The following ZNF804A variants were observed in gnomAD, a reference collection of about 807,000 sequenced individuals.
The protein encoded by ZNF804A is zinc finger protein 804A.
ZNF804A carries 2 observed loss-of-function variants against 16.5 expected under a neutral mutation model. That is an observed-to-expected ratio of 0.12 (90% confidence interval 0.05 to 0.38). ZNF804A has a LOEUF of 0.38. Among genes scored for constraint, ZNF804A ranks in the 10% least tolerant of loss-of-function variants. The probability of loss-of-function intolerance (pLI) is 0.99; values close to 1 mark genes in which losing one functional copy is unlikely to be tolerated. For synonymous variants in ZNF804A, 534 were observed against 489.6 expected (o/e 1.09, Z -1.20); for missense variants, 1,473 against 1,390.7 (o/e 1.06, Z -0.94).
At chr2:184,618,428 T>C (rs1691362977) in intron 1 of ZNF804A, among the ~76,000 whole-genome samples, 1 of 152,172 alleles carries the variant, frequency 6.6e-6, no homozygotes, top group South Asian at 2.1e-4. Context: ...TTAATGTACA[T>C]TATATATTGC....
intron 2 of ZNF804A, among the ~76,000 whole-genome samples, chr2:184,876,574 G>A (rs1277579487): frequency 6.6e-6 from 1 of 152,058 alleles, no homozygotes; most frequent in East Asian, 1.9e-4. Flanking sequence ...CATATATATA[G>A]CTAATTATAA....
At chr2:184,896,432 C>T (rs1056131223) in intron 2 of ZNF804A, among the ~76,000 whole-genome samples, 3 of 152,086 alleles carry the variant, frequency 2.0e-5, no homozygotes, top group Non-Finnish European at 2.9e-5. Context: ...TCAATAGGTT[C>T]CTGCTTCATT....
intron 1 of ZNF804A, among the ~76,000 whole-genome samples, chr2:184,748,024 A>G (rs1693820049): frequency 2.0e-5 from 3 of 150,430 alleles, no homozygotes; most frequent in Non-Finnish European, 3.0e-5. Flanking sequence ...CATTTTCTTT[A>G]GCCAGTCCAC....
intron 1 of ZNF804A, among the ~76,000 whole-genome samples, chr2:184,710,402 T>C (rs1184893077): frequency 2.6e-5 from 4 of 151,452 alleles, no homozygotes; most frequent in Admixed American, 2.6e-4. Flanking sequence ...AAAGAATTTA[T>C]ACCATATATA....
intron 1 of ZNF804A, among the ~76,000 whole-genome samples, chr2:184,655,845 G>A (rs1012233034): frequency 9.2e-5 from 14 of 152,058 alleles, no homozygotes; most frequent in Non-Finnish European, 5.9e-5. Flanking sequence ...CAGGCCATTA[G>A]CGGTGGATGG....
chr2:184,603,938 A>C (rs1691090654), intron 1 of ZNF804A, among the ~76,000 whole-genome samples: 1 of 152,114 alleles, frequency 6.6e-6, no homozygotes, highest in Non-Finnish European at 1.5e-5. Flanking sequence ...CTAGTATCGA[A>C]AATAACTGAT....
intron 1 of ZNF804A, among the ~76,000 whole-genome samples, chr2:184,753,260 TG>T (rs1194888838): frequency 6.6e-6 from 1 of 151,566 alleles, no homozygotes; most frequent in African/African-American, 2.4e-5. Flanking sequence ...AAAATGAGGC[TG>T]GGGGGCGTTG....
At chr2:184,820,909 A>G (rs1381052191) in intron 1 of ZNF804A, among the ~76,000 whole-genome samples, 1 of 152,124 alleles carries the variant, frequency 6.6e-6, no homozygotes, top group Non-Finnish European at 1.5e-5. Flanking sequence ...GCTCAATGAA[A>G]TCAGAGAGGC....
At chr2:184,787,188 C>T (rs1488635163) in intron 1 of ZNF804A, among the ~76,000 whole-genome samples, 4 of 152,068 alleles carry the variant, frequency 2.6e-5, no homozygotes, top group South Asian at 4.1e-4. Flanking sequence ...GTTTAGCTCT[C>T]GCTAATAAAT....
Position 184,736,313 on chromosome 2 carries a change from T to C in ZNF804A, c.112-130056T>C, listed in dbSNP as rs184330638. ...TATTTTTGTTCGATATTATTTGCTC[T>C]CTTTGATATTTAAATGACCATTATT... On this transcript the variant is annotated intron_variant, in intron 1 of 3. Transcript: ENST00000302277. Among the ~76,000 whole-genome samples, 350 of 152,314 alleles carry C rather than the reference T, an allele frequency of 2.3e-3. 1 individual carries two copies. Among genetic ancestry groups the C allele is most frequent in the African/African-American group, 7.8e-3 (323 of 41,570 alleles).
At chr2:184,618,762 A>G (rs359881) in intron 1 of ZNF804A, among the ~76,000 whole-genome samples, 151,729 of 152,194 alleles carry the variant, frequency 1, 75,636 homozygotes, top group Non-Finnish European at 1. Context: ...GTTTATACCT[A>G]GAAGTGCACC....
At chr2:184,760,836 C>T (rs903947384) in intron 1 of ZNF804A, among the ~76,000 whole-genome samples, 13 of 152,066 alleles carry the variant, frequency 8.5e-5, no homozygotes, top group African/African-American at 2.7e-4. Context: ...TTATTGGTTG[C>T]CTGACTTCAA....
intron 1 of ZNF804A, among the ~76,000 whole-genome samples, chr2:184,811,875 C>G (rs1053601171): frequency 1.3e-5 from 2 of 152,124 alleles, no homozygotes; most frequent in African/African-American, 4.8e-5. Flanking sequence ...TTCTTCCTAG[C>G]TTTGCAGATT....
At chr2:184,661,712 G>C (rs914546827) in intron 1 of ZNF804A, among the ~76,000 whole-genome samples, 1 of 152,166 alleles carries the variant, frequency 6.6e-6, no homozygotes, top group African/African-American at 2.4e-5. Context: ...CCAGCAGCTT[G>C]GTTTTCAGGC....
Position 184,938,825 on chromosome 2 carries a change from A to G in ZNF804A, c.3429A>G (p.Leu1143=). The change falls in exon 4 of 4, where the codon TTA becomes TTG. Residue 1143 remains leucine (L), a synonymous_variant. Coordinates refer to ENST00000302277, the MANE Select transcript of ZNF804A (RefSeq NM_194250.2). ...SQIPALTRTS[L]PQLSVGPVGP... ...TCCCAGCTCTCACCAGAACCTCATT[A>G]CCTCAGCTCTCAGTAGGACCAGTAG... The G allele has an allele frequency of 6.2e-7, 1 of 1,613,726 alleles. No homozygotes were observed. Among genetic ancestry groups the G allele is most frequent in the Non-Finnish European group, 8.5e-7 (1 of 1,179,930 alleles).
intron 1 of ZNF804A, among the ~76,000 whole-genome samples, chr2:184,672,384 A>G (rs1203537152): frequency 6.6e-6 from 1 of 152,196 alleles, no homozygotes; most frequent in East Asian, 1.9e-4. Context: ...TTATTAGGCT[A>G]TTTCTATAAT....
intron 1 of ZNF804A, among the ~76,000 whole-genome samples, chr2:184,718,052 C>A (rs1414603671): frequency 1.3e-5 from 2 of 152,040 alleles, no homozygotes; most frequent in East Asian, 3.8e-4. Flanking sequence ...TGGGACTGAG[C>A]AATTTACAAA....
intron 1 of ZNF804A, among the ~76,000 whole-genome samples, chr2:184,771,472 TG>T (rs1694212812): frequency 6.6e-6 from 1 of 151,820 alleles, no homozygotes; most frequent in African/African-American, 2.4e-5. Context: ...TGGGGCTAGT[TG>T]GGGTGGCTCA....
At chr2:184,715,568 A>T (rs927418683) in intron 1 of ZNF804A, among the ~76,000 whole-genome samples, 2 of 151,648 alleles carry the variant, frequency 1.3e-5, no homozygotes, top group African/African-American at 2.4e-5. Context: ...TTTAATTTTT[A>T]TTTTTTAATT....
Sources: allele counts gnomAD v4.1 joint callset (sites outside exome capture counted in the v4.1 genomes callset), GRCh38; gene constraint gnomAD v4.1.1; transcripts MANE v1.5; gene names NCBI Gene and HGNC (gene_info 2026-07-23, HGNC 2026-07-21).